The following TNS2 variants were observed in gnomAD, a reference collection of about 807,000 sequenced individuals.
TNS2 encodes the protein tensin-2.
A neutral mutation model predicts 155.7 loss-of-function variants in TNS2; 77 were observed. The observed-to-expected ratio is 0.49, with a 90% CI of 0.41 to 0.60. The LOEUF (loss-of-function observed/expected upper bound fraction) is 0.60. Ranked by LOEUF, TNS2 falls within the 20% of genes least tolerant of loss-of-function variation. The pLI, the probability that TNS2 is intolerant of heterozygous loss-of-function variation, is 0.00. For synonymous variants in TNS2, 726 were observed against 763.9 expected (o/e 0.95, Z 0.82); for missense variants, 1,703 against 1,868.8 (o/e 0.91, Z 1.64).
chr12:53,059,163 T>G lies in TNS2; in HGVS notation c.1522T>G (p.Ser508Ala). The change falls in exon 18 of 29, where the codon TCT (serine) becomes GCT (alanine). Residue 508 changes from serine to alanine, a missense_variant. Transcript: ENST00000314250. The surrounding 1 kb of genome is among the most constrained non-coding windows in gnomAD (Gnocchi z 4.7). Reference protein sequence around the residue: ...SPEPPPPPMLSVSSDSGHSST... With the variant: ...SPEPPPPPMLAVSSDSGHSST... ...AGAGCCTCCACCACCCCCCATGCTC[T>G]CTGTCAGCAGCGACTCAGGCCATTC... is the stretch of plus-strand genomic sequence containing the variant. The G allele has an allele frequency of 6.3e-7, 1 of 1,598,614 alleles. No homozygotes were observed. The highest frequency in any genetic ancestry group is 8.5e-7 in the Non-Finnish European group (1 of 1,176,852).
intron 17 of TNS2, 85 bp downstream of exon 17, chr12:53,058,912 TC>T: frequency 1.3e-6 from 2 of 1,566,550 alleles, no homozygotes; most frequent in Non-Finnish European, 1.7e-6. Flanking sequence ...CACTCCCTCC[TC>T]CCCAGGCAGA....
Position 53,060,702 on chromosome 12 carries a change from C to T in TNS2, c.2796C>T (p.Pro932=). The change falls in exon 20 of 29, where the codon CCC becomes CCT. Residue 932 remains proline (P), a synonymous_variant. Coordinates refer to ENST00000314250, the MANE Select transcript of TNS2 (RefSeq NM_170754.4). The surrounding 1 kb of genome is among the most constrained non-coding windows in gnomAD (Gnocchi z 6.1). ...ESTRRQDTRS[P]TSAPTQRLSP... is the part of the protein sequence containing the mutation. The stretch of plus-strand genomic sequence containing the variant: ...CCCGGCGACAGGACACCAGGTCCCC[C>T]ACCTCAGCGCCCACTCAGAGACTGA... 1 of 1,584,930 alleles carries T rather than the reference C, an allele frequency of 6.3e-7. No homozygotes were observed. The highest frequency in any genetic ancestry group is 1.1e-5 in the South Asian group (1 of 88,282).
intron 15 of TNS2, 39 bp downstream of exon 15, chr12:53,058,484 TGGCA>T: frequency 2.0e-6 from 1 of 488,362 alleles, no homozygotes; most frequent in Non-Finnish European, 2.4e-6. Flanking sequence ...GGAGTCCAGG[TGGCA>T]GGCAGGTGGC....
chr12:53,049,986 C>T (rs1049204237), upstream of TNS2: 53 of 1,364,184 alleles, frequency 3.9e-5, 1 homozygote, highest in Non-Finnish European at 5.0e-5. Flanking sequence ...CCCCCCTCCA[C>T]TTCCTGGAGC....
Position 53,057,755 on chromosome 12 carries a change from TCTC to T in TNS2, c.959-14_959-12del, listed in dbSNP as rs756211439. 2.5e-6 allele frequency: 4 copies of T among 1,613,994 alleles called. No individual in the cohort carries two copies. In the African/African-American group the frequency reaches 5.3e-5, roughly 22 times the overall value. ...TCCACTCAGCACCCCTCCTGTGCCT[TCTC>T]CTCTGCCCCTCCAGGCTTCCAGCCC... is the stretch of plus-strand genomic sequence containing the variant. On this transcript the variant is annotated splice_polypyrimidine_tract_variant and intron_variant, in intron 12 of 28. Transcript: ENST00000314250.
Position 53,060,182 on chromosome 12 carries a change from G to T in TNS2, c.2541G>T (p.Glu847Asp). 1.3e-6 allele frequency: 2 copies of T among 1,599,522 alleles called. No homozygotes were observed. The highest frequency in any genetic ancestry group is 1.7e-6 in the Non-Finnish European group (2 of 1,172,568). Residue 847 changes from glutamate to aspartate, a missense_variant, in exon 18 of 29, where the codon GAG becomes GAT. Glu to Asp is a conservative substitution (Grantham distance 45). Transcript: ENST00000314250. This position sits in a 1 kb window ranked among gnomAD's most constrained non-coding sequence, Gnocchi z 6.1. ...PYPQSRKLSY[E>D]IPTEEGGDRY... ...CACAATCTAGGAAGCTGAGCTACGA[G>T]ATCCCTACGGAGGAGGGAGGGGACA...
chr12:53,058,857 A>G (rs1199488127), intron 17 of TNS2, 30 bp downstream of exon 17: 6 of 1,609,252 alleles, frequency 3.7e-6, no homozygotes, highest in Non-Finnish European at 5.1e-6. Flanking sequence ...GGTGGGAGGT[A>G]CAGGGTTGTG....
At chr12:53,061,542 C>T (rs1172765496) in intron 21 of TNS2, 73 bp downstream of exon 21, 11 of 1,512,196 alleles carry the variant, frequency 7.3e-6, no homozygotes, top group Non-Finnish European at 8.3e-6. Context: ...TAAGTCCCAT[C>T]CTGTTGAAGC....
rs751465177 is a variant in TNS2, at chr12:53,055,637, A to G, written c.643A>G (p.Met215Val). 10 of 1,614,004 alleles carry G rather than the reference A, an allele frequency of 6.2e-6. No homozygotes were observed. In the Admixed American group the frequency reaches 6.7e-5, roughly 11 times the overall value. Reference protein sequence around the residue: ...LDKLCSICKAMETWLSADPQH... With the variant: ...LDKLCSICKAVETWLSADPQH... ...CAAGCTGTGCTCCATCTGCAAAGCC[A>G]TGGAGACATGGCTCAGTGCTGACCC... Residue 215 changes from methionine to valine, a missense_variant, in exon 9 of 29, where the codon ATG becomes GTG. Met to Val is a conservative substitution (Grantham distance 21). Coordinates refer to ENST00000314250, the MANE Select transcript of TNS2 (RefSeq NM_170754.4).
In TNS2 at chr12:53,057,819, C is replaced by T; in HGVS notation, c.1005C>T (p.Tyr335=). ...LKIYQSMQLV[Y]TSGVYHIAGP... ...TCTACCAGTCCATGCAGCTTGTCTA[C>T]ACATCTGGAGTCTAGTGAGTGCTCT... The change falls in exon 13 of 29, where the codon TAC becomes TAT. Residue 335 remains tyrosine (Y), a synonymous_variant. Transcript: ENST00000314250. The T allele has an allele frequency of 6.2e-7, 1 of 1,613,994 alleles. No homozygotes were observed.
chr12:53,055,619 T>C lies in TNS2; in HGVS notation c.625T>C (p.Cys209Arg). The change falls in exon 9 of 29, where the codon TGC becomes CGC. Residue 209 changes from cysteine (C) to arginine (R), a missense_variant. Transcript: ENST00000314250. Reference sequence around the variant, plus strand: ...GCATGCTCCACCCCTGGACAAGCTGTGCTCCATCTGCAAAGCCATGGAGAC... The same window carrying C: ...GCATGCTCCACCCCTGGACAAGCTGCGCTCCATCTGCAAAGCCATGGAGAC... ...ELHAPPLDKL[C>R]SICKAMETWL... is the part of the protein sequence containing the mutation. 6.2e-7 allele frequency: 1 copy of C among 1,614,004 alleles called. No individual in the cohort carries two copies. The highest frequency in any genetic ancestry group is 2.2e-5 in the East Asian group (1 of 44,882).
upstream of TNS2, chr12:53,048,804 T>C (rs1943818257): frequency 5.2e-6 from 1 of 192,400 alleles, no homozygotes; most frequent in African/African-American, 2.4e-5. Flanking sequence ...GAATGCAGGA[T>C]TCTTCATCCC....
chr12:53,055,030 C>T (rs188920581), intron 7 of TNS2, among the ~76,000 whole-genome samples, 156 bp from the exon 8 acceptor site: 11 of 152,054 alleles, frequency 7.2e-5, no homozygotes, highest in African/African-American at 2.4e-4. Context: ...GTGACCCGCC[C>T]GCCTTGGTCT....
rs372520732 is a variant in TNS2 at position 53,057,744 on chromosome 12, C to T, written c.959-29C>T. The T allele has an allele frequency of 3.7e-5, 60 of 1,614,056 alleles. 1 individual carries two copies. In the Middle Eastern group the frequency reaches 2.6e-3, roughly 71 times the overall value. ...TTCAGGCCCTCTCCACTCAGCACCC[C>T]TCCTGTGCCTTCTCCTCTGCCCCTC... On this transcript the variant is annotated intron_variant, in intron 12 of 28. Coordinates refer to ENST00000314250, the MANE Select transcript of TNS2 (RefSeq NM_170754.4).
chr12:53,054,105 C>T, intron 6 of TNS2, 91 bp downstream of exon 6: 6 of 1,587,418 alleles, frequency 3.8e-6, no homozygotes, highest in Non-Finnish European at 5.2e-6. Context: ...CAGAGCTCCC[C>T]GGGACAGCCC....
Position 53,059,119 on chromosome 12 carries a change from C to A in TNS2, c.1478C>A (p.Thr493Asn). The A allele has an allele frequency of 1.9e-6, 3 of 1,547,786 alleles. No individual in the cohort carries two copies. Among genetic ancestry groups the A allele is most frequent in the Non-Finnish European group, 2.6e-6 (3 of 1,154,848 alleles). ...CAGGTGCAGCGGCCTCCCCGGCAGA[C>A]CCCCCCGGCACCCTCTCCAGAGCCT... ...YAQVQRPPRQTPPAPSPEPPP... is the reference protein window; with the variant it reads ...YAQVQRPPRQNPPAPSPEPPP... Residue 493 changes from threonine to asparagine, a missense_variant, in exon 18 of 29, where the codon ACC (threonine) becomes AAC (asparagine). Coordinates refer to ENST00000314250, the MANE Select transcript of TNS2 (RefSeq NM_170754.4). This position sits in a 1 kb window ranked among gnomAD's most constrained non-coding sequence, Gnocchi z 4.7.
intron 2 of TNS2, 76 bp from the exon 3 acceptor site, chr12:53,052,379 G>C (rs1943967711): frequency 1.3e-6 from 2 of 1,584,880 alleles, no homozygotes; most frequent in Non-Finnish European, 1.7e-6. Context: ...CCAGGGTCTG[G>C]GAGATGAGGG....
At position 53,060,926 on chromosome 12, in the gene TNS2, C is replaced by A. The variant is rs1238865531; in HGVS notation, c.3020C>A (p.Thr1007Asn). 3.1e-6 allele frequency: 5 copies of A among 1,597,548 alleles called. No homozygotes were observed. In the East Asian group the frequency reaches 9.1e-5, roughly 29 times the overall value. ...GCCAGTCCTCGGAGCCCTGTGCCCA[C>A]CACACTTCCTGGCCTCCGCCACGCC... ...DGASPRSPVPTTLPGLRHAPW... is the reference protein window; with the variant it reads ...DGASPRSPVPNTLPGLRHAPW... Residue 1007 changes from threonine to asparagine, a missense_variant, in exon 20 of 29, where the codon ACC (threonine) becomes AAC (asparagine). Coordinates refer to ENST00000314250, the MANE Select transcript of TNS2 (RefSeq NM_170754.4). The surrounding 1 kb of genome is among the most constrained non-coding windows in gnomAD (Gnocchi z 6.1).
In TNS2 at chr12:53,061,069, C is replaced by G. The variant is rs1263476376; in HGVS notation, c.3163C>G (p.Pro1055Ala). The G allele has an allele frequency of 1.2e-6, 2 of 1,612,690 alleles. No individual in the cohort carries two copies. The highest frequency in any genetic ancestry group is 2.2e-5 in the South Asian group (2 of 90,902). ...SPEPPQSSPT[P>A]AFPLAASYDT... ...AGAGCCGCCTCAGAGCTCACCTACA[C>G]CTGCTTTCCCCCTGGCTGCCTCCTA... The change falls in exon 20 of 29, where the codon CCT (proline) becomes GCT (alanine). Residue 1055 changes from proline to alanine, a missense_variant. By Grantham distance (27) the Pro-to-Ala change is conservative (BLOSUM62 -1). Transcript: ENST00000314250.
Sources: gnomAD v4.1 joint callset for allele counts (sites outside exome capture counted in the v4.1 genomes callset) on GRCh38, gnomAD v4.1.1 for gene constraint, Gnocchi (gnomAD v3.1) non-coding constraint, MANE v1.5 for transcripts, NCBI Gene and HGNC (gene_info 2026-07-23, HGNC 2026-07-21) for gene names.